DTWD2: variants seen among roughly 807,000 people sequenced by gnomAD.
DTWD2 encodes tRNA-uridine aminocarboxypropyltransferase 2.
DTWD2 carries 39 observed loss-of-function variants against 31.8 expected under a neutral mutation model. The ratio of observed to expected loss-of-function variants is 1.22; its 90% CI spans 0.95 to 1.60. DTWD2 has a LOEUF of 1.60. DTWD2 is among the 40% of genes most tolerant of loss of function. The pLI is 0.00. For synonymous variants in DTWD2, 180 were observed against 142.8 expected (o/e 1.26, Z -1.86); for missense variants, 515 against 381.5 (o/e 1.35, Z -2.92).
intron 4 of DTWD2, among the ~76,000 whole-genome samples, chr5:118,877,058 C>G (rs1307505676): frequency 1.3e-5 from 2 of 152,204 alleles, no homozygotes; most frequent in African/African-American, 2.4e-5. Context: ...CCCTGGAATG[C>G]AAGGTTAGTT....
chr5:118,969,586 A>G (rs897696218), intron 1 of DTWD2, among the ~76,000 whole-genome samples: 4 of 152,302 alleles, frequency 2.6e-5, no homozygotes, highest in Non-Finnish European at 5.9e-5. Context: ...CAGCAGCCCT[A>G]TGGAAGAGTG....
At chr5:118,974,612 T>G in intron 1 of DTWD2, 1 of 505,908 alleles carries the variant, frequency 2.0e-6, no homozygotes, top group Non-Finnish European at 4.0e-6. Flanking sequence ...TCCAGTAACT[T>G]TTTTGTGTAT....
chr5:118,840,880 T>C lies in DTWD2; in HGVS notation c.*37A>G, dbSNP rs993940706. 2.5e-6 allele frequency: 4 copies of C among 1,595,508 alleles called. No individual in the cohort carries two copies. Among genetic ancestry groups the C allele is most frequent in the African/African-American group, 1.4e-5 (1 of 74,072 alleles). ...GAAAACTTAATTTGGTATTGTTAGA[T>C]GAAGACAGTTAAGCTAGCACCAAAA... On this transcript the variant is annotated 3_prime_UTR_variant, in exon 6 of 6. Coordinates refer to ENST00000510708, the MANE Select transcript of DTWD2 (RefSeq NM_173666.4).
At position 118,928,640 on chromosome 5, in the gene DTWD2, A is replaced by G; in HGVS notation, c.494T>C (p.Leu165Ser). Residue 165 changes from leucine (L) to serine (S), a missense_variant, in exon 4 of 6, where the codon TTA (leucine) becomes TCA (serine). Physicochemically the swap from Leu to Ser is moderately radical, Grantham distance 145. Transcript: ENST00000510708. ...AEAANLEEFI[L>S]DSPVYPSTII... ...TGTAGAAGGATAAACAGGAGAATCT[A>G]ATATAAATTCTTCCAAATTAGCAGC... The G allele has an allele frequency of 6.2e-7, 1 of 1,603,056 alleles. No individual in the cohort carries two copies. The highest frequency in any genetic ancestry group is 8.5e-7 in the Non-Finnish European group (1 of 1,174,102).
At chr5:118,909,876 T>C (rs545440955) in intron 4 of DTWD2, among the ~76,000 whole-genome samples, 1 of 152,328 alleles carries the variant, frequency 6.6e-6, no homozygotes, top group African/African-American at 2.4e-5. Flanking sequence ...CCTGGTTCCA[T>C]AGCATGCTAC....
At chr5:118,897,162 AT>A (rs2149563350) in intron 4 of DTWD2, among the ~76,000 whole-genome samples, 1 of 152,348 alleles carries the variant, frequency 6.6e-6, no homozygotes, top group South Asian at 2.1e-4. Flanking sequence ...CAGTGAAAGA[AT>A]ACAAAGCAAA....
intron 4 of DTWD2, among the ~76,000 whole-genome samples, chr5:118,870,079 T>C (rs1329363827): frequency 6.6e-6 from 1 of 152,212 alleles, no homozygotes; most frequent in East Asian, 1.9e-4. Context: ...TTCCTGAAGC[T>C]TGCCCTCCCC....
At chr5:118,868,286 C>A in intron 4 of DTWD2, among the ~76,000 whole-genome samples, 1 of 151,652 alleles carries the variant, frequency 6.6e-6, no homozygotes, top group African/African-American at 2.4e-5. Context: ...CGGACTAAAC[C>A]ATAAGTGCTA....
At chr5:118,983,712 T>C (rs1269060191) in intron 1 of DTWD2, among the ~76,000 whole-genome samples, 2 of 152,230 alleles carry the variant, frequency 1.3e-5, no homozygotes, top group Non-Finnish European at 2.9e-5. Context: ...TGATAATACC[T>C]ACTGTGCAAA....
In DTWD2 at chr5:118,956,921, C is replaced by T. The variant is rs185397244; in HGVS notation, c.219-12272G>A. On this transcript the variant is annotated intron_variant, in intron 1 of 5. Coordinates refer to ENST00000510708, the MANE Select transcript of DTWD2 (RefSeq NM_173666.4). The stretch of plus-strand genomic sequence containing the variant: ...AAAACTGGCTTTGGAAAACTAAATA[C>T]CATAGTGCCCTCTGCTGTCATTTTA... Among the ~76,000 whole-genome samples the T allele has an allele frequency of 4.1e-5, 6 of 148,120 alleles. No individual in the cohort carries two copies. The East Asian group carries it at 1.2e-3, about 29-fold the overall frequency.
rs1322478581 is a variant in DTWD2 at position 118,886,648 on chromosome 5, G to A, written c.598-38430C>T. On this transcript the variant is annotated intron_variant, in intron 4 of 5. Coordinates refer to ENST00000510708, the MANE Select transcript of DTWD2 (RefSeq NM_173666.4). ...ATAGAATTTAGGTGGCTAATGGAGA[G>A]AGAATGCTGTATACTACATTGTGTA... Among the ~76,000 whole-genome samples, 5 of 152,242 alleles carry A rather than the reference G, an allele frequency of 3.3e-5. 1 individual carries two copies. In the South Asian group the frequency reaches 6.2e-4, roughly 19 times the overall value.
At chr5:118,966,995 C>G (rs1318748934) in intron 1 of DTWD2, among the ~76,000 whole-genome samples, 1 of 148,512 alleles carries the variant, frequency 6.7e-6, no homozygotes, top group African/African-American at 2.5e-5. Flanking sequence ...TACGCCACTG[C>G]ACTCCAGCAG....
intron 4 of DTWD2, among the ~76,000 whole-genome samples, chr5:118,862,796 T>A (rs1250056728): frequency 6.6e-6 from 1 of 152,204 alleles, no homozygotes; most frequent in African/African-American, 2.4e-5. Flanking sequence ...AAGCAAACTA[T>A]GACTATCCCA....
At chr5:118,872,011 C>T (rs1752516466) in intron 4 of DTWD2, among the ~76,000 whole-genome samples, 1 of 152,162 alleles carries the variant, frequency 6.6e-6, no homozygotes, top group Non-Finnish European at 1.5e-5. Flanking sequence ...CAGCACTTGA[C>T]GATTCACCTT....
At chr5:118,953,570 G>C (rs1018019660) in intron 1 of DTWD2, among the ~76,000 whole-genome samples, 1 of 152,162 alleles carries the variant, frequency 6.6e-6, no homozygotes. Flanking sequence ...ATGGACTAGA[G>C]ACCTATAAAG....
chr5:118,963,834 T>C (rs1410729689), intron 1 of DTWD2, among the ~76,000 whole-genome samples: 1 of 152,186 alleles, frequency 6.6e-6, no homozygotes, highest in African/African-American at 2.4e-5. Context: ...TACCTGTGTT[T>C]CTTCCCTTAA....
At chr5:118,935,502 T>C (rs190294190) in intron 3 of DTWD2, among the ~76,000 whole-genome samples, 16 of 152,188 alleles carry the variant, frequency 1.1e-4, no homozygotes, top group South Asian at 4.2e-4. Context: ...TATTGCAAAA[T>C]TGACTGCTTG....
At chr5:118,972,197 G>A (rs775126580) in intron 1 of DTWD2, among the ~76,000 whole-genome samples, 7 of 151,860 alleles carry the variant, frequency 4.6e-5, no homozygotes, top group Non-Finnish European at 1.0e-4. Flanking sequence ...GGTTTTTGGA[G>A]AAAAAATAAC....
intron 4 of DTWD2, among the ~76,000 whole-genome samples, chr5:118,918,905 CAA>C (rs1305445068): frequency 1.3e-5 from 2 of 151,928 alleles, no homozygotes; most frequent in African/African-American, 4.8e-5. Context: ...CTCTCATAAC[CAA>C]AAACAAGACA....
Sources: allele counts gnomAD v4.1 joint callset (sites outside exome capture counted in the v4.1 genomes callset), GRCh38; gene constraint gnomAD v4.1.1; transcripts MANE v1.5; gene names NCBI Gene and HGNC (gene_info 2026-07-23, HGNC 2026-07-21).